The following GRM7 variants were observed in gnomAD, a reference collection of about 807,000 sequenced individuals.
The protein encoded by GRM7 is glutamate metabotropic receptor 7, also known as metabotropic glutamate receptor 7.
A neutral mutation model predicts 84.5 loss-of-function variants in GRM7; 35 were observed. That is an observed-to-expected ratio of 0.41 (90% CI 0.32 to 0.55). The LOEUF is 0.55. Among genes scored for constraint, GRM7 ranks in the 20% least tolerant of loss-of-function variants. The pLI is 0.19. For missense variants in GRM7, 1,003 were observed against 1,194.6 expected, an observed-to-expected ratio of 0.84 and a Z score of 2.36; for synonymous variants, 487 against 455.1, an observed-to-expected ratio of 1.07 and a Z score of -0.89.
Position 6,861,128 on chromosome 3 carries a change from T to C in GRM7, c.-261T>C. On this transcript the variant is annotated 5_prime_UTR_variant, in exon 1 of 10. Coordinates refer to ENST00000357716, the MANE Select transcript of GRM7 (RefSeq NM_000844.4). The surrounding 1 kb of genome is among the most constrained non-coding windows in gnomAD (Gnocchi z 6.4). ...TGCCCTCTCCCCAGTGCTGGGCTGT[T>C]GGAGAGAGCGAGCAGCAAGCCGGTG... 2 of 403,414 alleles carry C rather than the reference T, an allele frequency of 5.0e-6. No individual in the cohort carries two copies. The highest frequency in any genetic ancestry group is 8.7e-6 in the Non-Finnish European group (2 of 229,682). The allele number at this position is 403,414 out of a possible 1,614,324, so 25.0% of individuals were successfully genotyped here.
intron 1 of GRM7, among the ~76,000 whole-genome samples, chr3:6,944,116 G>A (rs962627221): frequency 4.6e-5 from 7 of 151,696 alleles, no homozygotes; most frequent in South Asian, 2.1e-4. Context: ...TGACCATACC[G>A]TCTTCAAATA....
intron 7 of GRM7, among the ~76,000 whole-genome samples, chr3:7,542,641 G>C (rs1231480069): frequency 1.3e-5 from 2 of 150,234 alleles, no homozygotes; most frequent in South Asian, 4.2e-4. Flanking sequence ...TTCACCTCCC[G>C]GGTTCAAGCG....
intron 1 of GRM7, among the ~76,000 whole-genome samples, chr3:6,965,032 C>A (rs1693461104): frequency 6.6e-6 from 1 of 152,150 alleles, no homozygotes; most frequent in African/African-American, 2.4e-5. Context: ...ACCAATTAAC[C>A]ATTGTGGGAA....
chr3:7,626,607 T>C (rs1371835188), intron 8 of GRM7, among the ~76,000 whole-genome samples: 2 of 152,184 alleles, frequency 1.3e-5, no homozygotes, highest in South Asian at 2.1e-4. Flanking sequence ...GTGTTTCTTA[T>C]GAAAAGCATG....
At chr3:6,992,425 C>G (rs1224741708) in intron 1 of GRM7, among the ~76,000 whole-genome samples, 4 of 152,138 alleles carry the variant, frequency 2.6e-5, no homozygotes, top group African/African-American at 7.2e-5. Flanking sequence ...AACAAATTGC[C>G]TTTGTGAGCT....
intron 8 of GRM7, among the ~76,000 whole-genome samples, chr3:7,658,211 G>A (rs995686684): frequency 1.3e-5 from 2 of 152,126 alleles, no homozygotes; most frequent in African/African-American, 2.4e-5. Context: ...TGGATATCAT[G>A]GTTAATTTTA....
At chr3:7,296,821 T>TTA (rs750051540) in intron 2 of GRM7, among the ~76,000 whole-genome samples, 5 of 144,276 alleles carry the variant, frequency 3.5e-5, no homozygotes, top group African/African-American at 1.0e-4. Flanking sequence ...ACAGCTTTTT[T>TTA]AAAAAAAAAA....
chr3:7,025,771 A>G (rs1385474508), intron 1 of GRM7, among the ~76,000 whole-genome samples: 2 of 152,148 alleles, frequency 1.3e-5, no homozygotes, highest in African/African-American at 4.8e-5. Flanking sequence ...CAAAGATCTC[A>G]TTAGAGGGGA....
At chr3:7,496,986 C>G (rs1272392101) in intron 7 of GRM7, among the ~76,000 whole-genome samples, 1 of 151,792 alleles carries the variant, frequency 6.6e-6, no homozygotes, top group African/African-American at 2.4e-5. Context: ...AGGGTTAATA[C>G]TAATACATCT....
intron 2 of GRM7, among the ~76,000 whole-genome samples, chr3:7,253,242 A>G (rs1698071197): frequency 6.6e-6 from 1 of 152,072 alleles, no homozygotes; most frequent in Non-Finnish European, 1.5e-5. Flanking sequence ...TCTTCCTTAT[A>G]CCCTCTCCAC....
chr3:7,740,470 C>T lies in GRM7; in HGVS notation c.*64C>T, dbSNP rs1463535462. On this transcript the variant is annotated 3_prime_UTR_variant, in exon 10 of 10. Coordinates refer to ENST00000357716, the MANE Select transcript of GRM7 (RefSeq NM_000844.4). ...TCAGTTATTTTGTCACCCAACCTGGCATAGGACTCTTTGGTCCTACCCGCT... is the reference window on the plus strand; with the variant it reads ...TCAGTTATTTTGTCACCCAACCTGGTATAGGACTCTTTGGTCCTACCCGCT... 4.2e-6 allele frequency: 4 copies of T among 947,868 alleles called. No individual in the cohort carries two copies. The highest frequency in any genetic ancestry group is 6.5e-6 in the Non-Finnish European group (4 of 619,822). The allele number at this position is 947,868 out of a possible 1,614,324, so 58.7% of individuals were successfully genotyped here. A position where few individuals can be genotyped will look rare whatever the true frequency, so the allele number is the denominator to read the frequency against.
chr3:6,975,956 C>G (rs1376855019), intron 1 of GRM7, among the ~76,000 whole-genome samples: 1 of 152,106 alleles, frequency 6.6e-6, no homozygotes, highest in Non-Finnish European at 1.5e-5. Flanking sequence ...GGACCATACA[C>G]TGATTTTGTT....
At chr3:6,905,224 C>T (rs963981210) in intron 1 of GRM7, among the ~76,000 whole-genome samples, 41 of 152,086 alleles carry the variant, frequency 2.7e-4, no homozygotes, top group African/African-American at 5.8e-4. Context: ...ATTAGTGTTA[C>T]GTTGTCTCAT....
rs185324104 is a variant in GRM7 at position 7,703,904 on chromosome 3, G to A, written c.2698+23609G>A. Reference sequence around the variant, plus strand: ...AATGATTACCTATAAGCTGTTGTCAGAATGAAACTGTCCCTTCATACTATC... The same window carrying A: ...AATGATTACCTATAAGCTGTTGTCAAAATGAAACTGTCCCTTCATACTATC... On this transcript the variant is annotated intron_variant, in intron 9 of 9. Transcript: ENST00000357716. 2.8e-3 allele frequency among the ~76,000 whole-genome samples: 428 copies of A among 152,288 alleles called. 7 individuals are homozygous for A. The highest frequency in any genetic ancestry group is 0.02 in the Middle Eastern group (6 of 294).
In GRM7 at chr3:6,862,853, C is replaced by T. The variant is rs1694807970; in HGVS notation, c.519+946C>T. The T allele has an allele frequency of 5.8e-6, 2 of 347,596 alleles. No homozygotes were observed. Among genetic ancestry groups the T allele is most frequent in the Non-Finnish European group, 1.2e-5 (2 of 173,756 alleles). The allele number at this position is 347,596 out of a possible 1,614,324, so 21.5% of individuals were successfully genotyped here. On this transcript the variant is annotated intron_variant, in intron 1 of 9. Coordinates refer to ENST00000357716, the MANE Select transcript of GRM7 (RefSeq NM_000844.4). The surrounding 1 kb of genome is among the most constrained non-coding windows in gnomAD (Gnocchi z 5.2). Reference sequence around the variant, plus strand: ...GCAGAGGGGTGCGTGAAGCGGGGCCCCGTGGTCCTCCTGCTCCGGTGCCGG... The same window carrying T: ...GCAGAGGGGTGCGTGAAGCGGGGCCTCGTGGTCCTCCTGCTCCGGTGCCGG...
intron 1 of GRM7, among the ~76,000 whole-genome samples, chr3:6,872,451 G>A (rs757427592): frequency 3.4e-4 from 51 of 151,996 alleles, no homozygotes; most frequent in Non-Finnish European, 6.6e-4. Flanking sequence ...GATGGCTTAC[G>A]GGAGAAGATC....
At chr3:7,476,511 C>T (rs942084723) in intron 7 of GRM7, among the ~76,000 whole-genome samples, 20 of 152,134 alleles carry the variant, frequency 1.3e-4, no homozygotes, top group African/African-American at 4.8e-4. Context: ...CACACTACTT[C>T]ACTCCAGCCT....
chr3:7,113,826 G>T (rs1426438467), intron 1 of GRM7, among the ~76,000 whole-genome samples: 1 of 152,098 alleles, frequency 6.6e-6, no homozygotes, highest in Non-Finnish European at 1.5e-5. Context: ...TATGGCCGAA[G>T]TGAAAATAGC....
chr3:7,282,100 AC>A (rs1699273224), intron 2 of GRM7, among the ~76,000 whole-genome samples: 3 of 152,058 alleles, frequency 2.0e-5, no homozygotes, highest in Non-Finnish European at 2.9e-5. Context: ...CAAACAAAAA[AC>A]AGGTACCTAC....
Sources: gnomAD v4.1 joint callset for allele counts (sites outside exome capture counted in the v4.1 genomes callset) on GRCh38, gnomAD v4.1.1 for gene constraint, Gnocchi (gnomAD v3.1) non-coding constraint, MANE v1.5 for transcripts, NCBI Gene and HGNC (gene_info 2026-07-23, HGNC 2026-07-21) for gene names.